The following RALGAPA1 variants were observed in gnomAD, a reference collection of about 807,000 sequenced individuals.
RALGAPA1 encodes the protein Ral GTPase activating protein catalytic subunit alpha 1.
A neutral mutation model predicts 269.6 loss-of-function variants in RALGAPA1; 52 were observed. The observed-to-expected ratio is 0.19, with a 90% CI of 0.15 to 0.24. The LOEUF (loss-of-function observed/expected upper bound fraction) is 0.24. Among genes scored for constraint, RALGAPA1 ranks in the 10% least tolerant of loss-of-function variants. The pLI, the probability that RALGAPA1 is intolerant of heterozygous loss-of-function variation, is 1.00. For synonymous variants in RALGAPA1, 817 were observed against 1,008.3 expected (o/e 0.81, Z 3.60); for missense variants, 1,917 against 3,013.9 (o/e 0.64, Z 8.52).
At chr14:35,774,950 G>C in intron 3 of RALGAPA1, 56 bp downstream of exon 3, 1 of 1,022,062 alleles carries the variant, frequency 9.8e-7, no homozygotes, top group Non-Finnish European at 1.5e-6. Context: ...ATATTCCTTT[G>C]TATGTTCCAA....
At chr14:35,798,104 C>A (rs2076708709) in intron 1 of RALGAPA1, among the ~76,000 whole-genome samples, 1 of 151,316 alleles carries the variant, frequency 6.6e-6, no homozygotes, top group African/African-American at 2.4e-5. Context: ...AACTCCTGGG[C>A]TCAATTAATC....
chr14:35,625,306 T>C lies in RALGAPA1; in HGVS notation c.6929+55A>G, dbSNP rs1198117846. 10 of 1,151,764 alleles carry C rather than the reference T, an allele frequency of 8.7e-6. No homozygotes were observed. In the African/African-American group the frequency reaches 1.4e-4, roughly 16 times the overall value. The allele number at this position is 1,151,764 out of a possible 1,614,324, so 71.3% of individuals were successfully genotyped here. On this transcript the variant is annotated intron_variant, in intron 35 of 41. Transcript: ENST00000680220. ...TAAAATATTATTCACAGTATTATTC[T>C]AAAAGAGAAATACCTGAGAGTTGCT...
intron 33 of RALGAPA1, among the ~76,000 whole-genome samples, chr14:35,634,287 C>T (rs1262810645): frequency 1.3e-5 from 2 of 152,088 alleles, no homozygotes; most frequent in Non-Finnish European, 2.9e-5. Context: ...AAGTATAATG[C>T]AAATATTCCA....
At chr14:35,612,397 C>G (rs1022096484) in intron 35 of RALGAPA1, among the ~76,000 whole-genome samples, 1 of 146,920 alleles carries the variant, frequency 6.8e-6, no homozygotes, top group African/African-American at 2.5e-5. Context: ...AAAAAGAAGT[C>G]AGACTCTTCC....
chr14:35,719,708 TAAATA>T (rs1188897337), intron 16 of RALGAPA1, among the ~76,000 whole-genome samples: 2 of 152,214 alleles, frequency 1.3e-5, no homozygotes, highest in African/African-American at 4.8e-5. Context: ...AGATTTGATT[TAAATA>T]AAATAAAAAT....
chr14:35,726,302 T>C (rs991101483), intron 13 of RALGAPA1, among the ~76,000 whole-genome samples: 35 of 152,320 alleles, frequency 2.3e-4, no homozygotes, highest in Non-Finnish European at 2.1e-4. Context: ...AAATCAAAGG[T>C]GCCACATTTG....
At chr14:35,699,518 C>T (rs929629180) in intron 17 of RALGAPA1, among the ~76,000 whole-genome samples, 21 of 152,056 alleles carry the variant, frequency 1.4e-4, no homozygotes, top group African/African-American at 3.4e-4. Context: ...TGGGGACCAA[C>T]GACCTGAGGC....
At chr14:35,672,822 T>C in intron 25 of RALGAPA1, 45 bp downstream of exon 25, 1 of 1,418,406 alleles carries the variant, frequency 7.1e-7, no homozygotes, top group Non-Finnish European at 9.3e-7. Flanking sequence ...TCAAAGATAA[T>C]ATGATATAAA....
At chr14:35,771,990 A>C (rs1352085099) in intron 3 of RALGAPA1, among the ~76,000 whole-genome samples, 1 of 152,206 alleles carries the variant, frequency 6.6e-6, no homozygotes, top group Admixed American at 6.5e-5. Context: ...CCCATCAAAT[A>C]TTTATACTGA....
chr14:35,725,205 G>A, intron 13 of RALGAPA1, 52 bp from the exon 14 acceptor site: 2 of 1,368,866 alleles, frequency 1.5e-6, no homozygotes, highest in Non-Finnish European at 2.0e-6. Context: ...GTTTGCATTT[G>A]GTTAATAGTT....
rs1461945015 is a variant in RALGAPA1, at chr14:35,673,000, T to C, written c.4940A>G (p.Tyr1647Cys). The change falls in exon 25 of 42, where the codon TAT becomes TGT. Residue 1647 changes from tyrosine to cysteine, a missense_variant. Transcript: ENST00000680220. ...LFKATMLTDKYKQGKLHAYKL... is the reference protein window; with the variant it reads ...LFKATMLTDKCKQGKLHAYKL... ...ATATGCATGTAATTTACCTTGTTTATATTTATCAGTCAACATGGTTGCCTA... is the reference window on the plus strand; with the variant it reads ...ATATGCATGTAATTTACCTTGTTTACATTTATCAGTCAACATGGTTGCCTA... 4 of 1,521,798 alleles carry C rather than the reference T, an allele frequency of 2.6e-6. No homozygotes were observed. Among genetic ancestry groups the C allele is most frequent in the Non-Finnish European group, 2.6e-6 (3 of 1,133,702 alleles). The allele number at this position is 1,521,798 out of a possible 1,614,324, so 94.3% of individuals were successfully genotyped here.
At chr14:35,720,186 T>C (rs946437926) in intron 16 of RALGAPA1, among the ~76,000 whole-genome samples, 1 of 152,244 alleles carries the variant, frequency 6.6e-6, no homozygotes, top group Non-Finnish European at 1.5e-5. Context: ...ATATTCATTT[T>C]AATACTACAA....
intron 28 of RALGAPA1, among the ~76,000 whole-genome samples, chr14:35,656,582 A>G (rs1055766304): frequency 1.2e-4 from 19 of 152,306 alleles, no homozygotes; most frequent in Middle Eastern, 3.4e-3. Flanking sequence ...AAAATGTATA[A>G]TGGTTCTAAG....
intron 1 of RALGAPA1, among the ~76,000 whole-genome samples, chr14:35,785,701 C>T (rs1308955602): frequency 1.3e-5 from 2 of 152,208 alleles, no homozygotes; most frequent in African/African-American, 4.8e-5. Context: ...GATTGGTCTA[C>T]ACCCCATTTC....
At chr14:35,712,240 CAAAAAAAAA>C (rs58184723) in intron 16 of RALGAPA1, among the ~76,000 whole-genome samples, 1 of 57,374 alleles carries the variant, frequency 1.7e-5, no homozygotes, top group Middle Eastern at 9.8e-3. Flanking sequence ...GAGCATGTCT[CAAAAAAAAA>C]AAAAAAAAAG....
chr14:35,674,397 T>C (rs1274103801), intron 23 of RALGAPA1, 119 bp from the exon 24 acceptor site: 32 of 1,241,394 alleles, frequency 2.6e-5, no homozygotes, highest in Non-Finnish European at 3.4e-5. Context: ...TTAAGTGACT[T>C]TGCCATGCAG....
chr14:35,541,040 ATTTTTTT>A lies in RALGAPA1; in HGVS notation c.*24-1357_*24-1351del, dbSNP rs559979336. 2.5e-3 allele frequency among the ~76,000 whole-genome samples: 219 copies of A among 89,172 alleles called. 4 individuals are homozygous for A. The highest frequency in any genetic ancestry group is 0.01 in the African/African-American group (186 of 17,806). 58.5% of individuals were successfully genotyped at this position (89,172 alleles called of 152,430 possible). On this transcript the variant is annotated intron_variant, in intron 41 of 41. Transcript: ENST00000680220. ...GAATATGTCTTTGCAGAACACTTCA[ATTTTTTT>A]TTTTTTTTTTTTTTTTTGAGACGGA...
chr14:35,655,781 A>T (rs1377101209), intron 29 of RALGAPA1, 26 bp downstream of exon 29: 1 of 1,606,382 alleles, frequency 6.2e-7, no homozygotes, highest in South Asian at 1.1e-5. Context: ...CTATCTTAAT[A>T]TATTTCACTA....
At position 35,627,865 on chromosome 14, in the gene RALGAPA1, T is replaced by C; in HGVS notation, c.6082A>G (p.Met2028Val). 6 of 1,584,148 alleles carry C rather than the reference T, an allele frequency of 3.8e-6. No homozygotes were observed. The highest frequency in any genetic ancestry group is 5.2e-6 in the Non-Finnish European group (6 of 1,160,874). Residue 2028 changes from methionine (M) to valine (V), a missense_variant, in exon 34 of 42, where the codon ATG becomes GTG. Physicochemically the swap from Met to Val is conservative, Grantham distance 21 (BLOSUM62 1). Coordinates refer to ENST00000680220, the MANE Select transcript of RALGAPA1 (RefSeq NM_001346249.2). ...HLVNHLGHYP[M>V]SGGPAMLTSQ... ...GTTAGCATAGCAGGACCACCGCTCA[T>C]TGGATAATGGCCCAGGTGATTTACC... is the stretch of plus-strand genomic sequence containing the variant.
Sources: gnomAD v4.1 joint callset for allele counts (sites outside exome capture counted in the v4.1 genomes callset) on GRCh38, gnomAD v4.1.1 for gene constraint, MANE v1.5 for transcripts, NCBI Gene and HGNC (gene_info 2026-07-23, HGNC 2026-07-21) for gene names.